CCDC73: variants seen among roughly 807,000 people sequenced by gnomAD.
CCDC73 encodes coiled-coil domain containing 73.
Under a neutral mutation model 116.5 loss-of-function variants are expected in CCDC73, and 95 were observed. The observed-to-expected ratio is 0.82, with a 90% CI of 0.69 to 0.97. The LOEUF is 0.97. CCDC73 is among the 50% of genes least tolerant of loss of function. The pLI is 0.00. For synonymous variants in CCDC73, 398 were observed against 401.3 expected (o/e 0.99, Z 0.10); for missense variants, 1,066 against 1,206.8 (o/e 0.88, Z 1.73).
intron 1 of CCDC73, among the ~76,000 whole-genome samples, chr11:32,782,381 G>A (rs1850591719): frequency 6.6e-6 from 1 of 152,126 alleles, no homozygotes; most frequent in Non-Finnish European, 1.5e-5. Context: ...CTGTTCTAGG[G>A]AATTTGACCA....
At chr11:32,608,455 A>G (rs1855382527) in intron 17 of CCDC73, among the ~76,000 whole-genome samples, 1 of 152,206 alleles carries the variant, frequency 6.6e-6, no homozygotes, top group Non-Finnish European at 1.5e-5. Context: ...CTAATGCAAG[A>G]GGTGGGTTCT....
At chr11:32,737,876 T>A (rs936972558) in intron 2 of CCDC73, among the ~76,000 whole-genome samples, 1 of 152,030 alleles carries the variant, frequency 6.6e-6, no homozygotes, top group African/African-American at 2.4e-5. Flanking sequence ...TAACCATCAT[T>A]CTACTCTCTA....
At chr11:32,638,799 T>C (rs889328291) in intron 13 of CCDC73, among the ~76,000 whole-genome samples, 1 of 149,982 alleles carries the variant, frequency 6.7e-6, no homozygotes, top group South Asian at 2.1e-4. Context: ...GTTTTTTAAA[T>C]GAAATGCCAA....
At position 32,717,589 on chromosome 11, in the gene CCDC73, C is replaced by T. The variant is rs116481114; in HGVS notation, c.207+487G>A. On this transcript the variant is annotated intron_variant, in intron 3 of 17. Coordinates refer to ENST00000335185, the MANE Select transcript of CCDC73 (RefSeq NM_001008391.4). ...ATTTTCTTGAGATTTTAAAATAATC[C>T]ACTAACACCTGAATATGTTAGAAAA... 5.3e-3 allele frequency among the ~76,000 whole-genome samples: 811 copies of T among 152,162 alleles called. 5 individuals are homozygous for T. The highest frequency in any genetic ancestry group is 0.019 in the African/African-American group (780 of 41,498).
chr11:32,766,949 T>C (rs891248231), intron 1 of CCDC73, among the ~76,000 whole-genome samples: 23 of 152,332 alleles, frequency 1.5e-4, no homozygotes, highest in African/African-American at 4.8e-4. Flanking sequence ...ATGACTTTCT[T>C]CACAGAATTG....
the CCDC73 span, among the ~76,000 whole-genome samples, chr11:32,801,347 C>T: frequency 0.59 from 89,089 of 151,984 alleles, 26,453 homozygotes; most frequent in East Asian, 0.85. Flanking sequence ...GGTAGGGGTA[C>T]AGAAATCCTA....
chr11:32,728,128 G>C (rs1384533402), intron 2 of CCDC73, among the ~76,000 whole-genome samples: 1 of 152,008 alleles, frequency 6.6e-6, no homozygotes, highest in Non-Finnish European at 1.5e-5. Context: ...GGTGCCACCT[G>C]TGGTCCCAGC....
chr11:32,716,200 C>G (rs1849942738), intron 3 of CCDC73, among the ~76,000 whole-genome samples: 2 of 152,106 alleles, frequency 1.3e-5, no homozygotes, highest in African/African-American at 4.8e-5. Context: ...TATGAAAGTT[C>G]TTGTTTTTCT....
At chr11:32,769,898 T>C (rs1850476452) in intron 1 of CCDC73, among the ~76,000 whole-genome samples, 1 of 152,222 alleles carries the variant, frequency 6.6e-6, no homozygotes, top group South Asian at 2.1e-4. Context: ...ACACATTTTA[T>C]ATCTGGAATC....
At chr11:32,779,389 G>C (rs1209963485) in intron 1 of CCDC73, among the ~76,000 whole-genome samples, 1 of 151,748 alleles carries the variant, frequency 6.6e-6, no homozygotes, top group Non-Finnish European at 1.5e-5. Flanking sequence ...AAAAGTAAAT[G>C]TATTGGCTTA....
At chr11:32,730,418 G>C (rs1194073322) in intron 2 of CCDC73, among the ~76,000 whole-genome samples, 1 of 152,048 alleles carries the variant, frequency 6.6e-6, no homozygotes, top group African/African-American at 2.4e-5. Context: ...CATTTTTGAG[G>C]ATTTTTTTGC....
intron 6 of CCDC73, among the ~76,000 whole-genome samples, chr11:32,692,603 A>G (rs978941524): frequency 6.6e-6 from 1 of 152,146 alleles, no homozygotes; most frequent in Non-Finnish European, 1.5e-5. Context: ...ATTACTCCCA[A>G]TCTGGGTTTT....
At chr11:32,649,774 T>G (rs1158433899) in intron 12 of CCDC73, among the ~76,000 whole-genome samples, 2 of 152,188 alleles carry the variant, frequency 1.3e-5, no homozygotes, top group East Asian at 3.9e-4. Flanking sequence ...TATCCTGAGA[T>G]TATGTCCTTA....
chr11:32,653,262 T>C (rs879209148), intron 11 of CCDC73, 35 bp from the exon 12 acceptor site: 1 of 1,330,576 alleles, frequency 7.5e-7, no homozygotes, highest in South Asian at 1.2e-5. Flanking sequence ...ATTTAAAAGT[T>C]TTAAGATAGG....
intron 3 of CCDC73, among the ~76,000 whole-genome samples, chr11:32,706,123 G>C (rs1849853624): frequency 6.6e-6 from 1 of 151,888 alleles, no homozygotes; most frequent in Admixed American, 6.6e-5. Context: ...GTAGATGTTT[G>C]ACTAAATCTT....
intron 17 of CCDC73, among the ~76,000 whole-genome samples, chr11:32,609,123 C>G (rs1186379817): frequency 6.6e-6 from 1 of 152,230 alleles, no homozygotes; most frequent in Non-Finnish European, 1.5e-5. Context: ...CTCCTTGTTA[C>G]TTATGCATAT....
In CCDC73 at chr11:32,683,389, A is replaced by C. The variant is rs373311852; in HGVS notation, c.429+147T>G. 11 of 654,286 alleles carry C rather than the reference A, an allele frequency of 1.7e-5. No homozygotes were observed. In the African/African-American group the frequency reaches 2.0e-4, roughly 12 times the overall value. The allele number at this position is 654,286 out of a possible 1,614,324, so 40.5% of individuals were successfully genotyped here. A position where few individuals can be genotyped will look rare whatever the true frequency, so the allele number is the denominator to read the frequency against. ...ATTTATGCAACATGTGAAATTGCAAATATCCCCTTTCATATTACTGGAGAC... is the reference window on the plus strand; with the variant it reads ...ATTTATGCAACATGTGAAATTGCAACTATCCCCTTTCATATTACTGGAGAC... On this transcript the variant is annotated intron_variant, in intron 7 of 17. Transcript: ENST00000335185.
At chr11:32,789,924 G>A (rs1381188624) in intron 1 of CCDC73, among the ~76,000 whole-genome samples, 4 of 152,174 alleles carry the variant, frequency 2.6e-5, no homozygotes, top group African/African-American at 9.7e-5. Flanking sequence ...GTCAGCCTGA[G>A]GAAGGTGACT....
intron 14 of CCDC73, among the ~76,000 whole-genome samples, chr11:32,623,658 T>C (rs186945451): frequency 5.3e-5 from 8 of 152,104 alleles, no homozygotes; most frequent in African/African-American, 1.9e-4. Context: ...CCAGCCCAGA[T>C]TGCCCTATGT....
Sources: allele counts gnomAD v4.1 joint callset (sites outside exome capture counted in the v4.1 genomes callset), GRCh38; gene constraint gnomAD v4.1.1; transcripts MANE v1.5; gene names NCBI Gene and HGNC (gene_info 2026-07-23, HGNC 2026-07-21).